Variants in FRMD4A observed in about 807,000 individuals in gnomAD.
The protein encoded by FRMD4A is FERM domain containing 4A, also known as FERM domain-containing protein 4A.
In FRMD4A, 29 loss-of-function variants were observed where a neutral mutation model predicts 129.1. The ratio of observed to expected loss-of-function variants is 0.22; its 90% CI spans 0.17 to 0.31. The LOEUF (loss-of-function observed/expected upper bound fraction) is 0.31, where lower values mean the gene tolerates loss of function less well. Ranked by LOEUF, FRMD4A falls within the 10% of genes least tolerant of loss-of-function variation. The pLI, the probability that FRMD4A is intolerant of heterozygous loss-of-function variation, is 1.00. For missense variants in FRMD4A, 1,272 were observed against 1,375.8 expected (o/e 0.92, Z 1.19); for synonymous variants, 634 against 571.6 (o/e 1.11, Z -1.56).
chr10:13,750,081 AAAGAAAGAAAGAAAGAAAGAAAGAAATG>A lies in FRMD4A; in HGVS notation c.465-2290_465-2263del, dbSNP rs1157220758. On this transcript the variant is annotated intron_variant, in intron 8 of 24. Coordinates refer to ENST00000357447, the MANE Select transcript of FRMD4A (RefSeq NM_018027.5). ...GGAAGGAAGGAAGGAAGAAAGAAAG[AAAGAAAGAAAGAAAGAAAGAAAGAAATG>A]AAGAAAGAAAGAAAGAAAGAAAGAA... Among the ~76,000 whole-genome samples, 22 of 76,120 alleles carry A rather than the reference AAAGAAAGAAAGAAAGAAAGAAAGAAATG, an allele frequency of 2.9e-4. No homozygotes were observed. In the South Asian group the frequency reaches 4.9e-3, roughly 17 times the overall value. The allele number at this position is 76,120 out of a possible 152,430, so 49.9% of individuals were successfully genotyped here. A position where few individuals can be genotyped will look rare whatever the true frequency, so the allele number is the denominator to read the frequency against.
In FRMD4A at chr10:13,759,698, G is replaced by A. The variant is rs371396116; in HGVS notation, c.464+1949C>T. ...CATAAAAAAGTGACAAATAAAAATT[G>A]TAACAAGATTTAGTTTCTGTAACCT... On this transcript the variant is annotated intron_variant, in intron 8 of 24. Coordinates refer to ENST00000357447, the MANE Select transcript of FRMD4A (RefSeq NM_018027.5). 1.4e-4 allele frequency among the ~76,000 whole-genome samples: 21 copies of A among 152,256 alleles called. 2 individuals carry two copies. The highest frequency in any genetic ancestry group is 4.8e-4 in the African/African-American group (20 of 41,562).
At chr10:14,094,707 ACT>A (rs1588961900) in intron 2 of FRMD4A, among the ~76,000 whole-genome samples, 1 of 152,088 alleles carries the variant, frequency 6.6e-6, no homozygotes, top group African/African-American at 2.4e-5. Context: ...ATCTTTGGTG[ACT>A]CTGTTCTGTC....
chr10:13,764,184 C>CGTGTGTGT (rs369852562), intron 6 of FRMD4A, among the ~76,000 whole-genome samples: 3,842 of 141,652 alleles, frequency 0.027, 148 homozygotes, highest in African/African-American at 0.081. Flanking sequence ...CAAAGATTTC[C>CGTGTGTGT]GTGTGTGTGT....
chr10:14,046,640 G>A (rs557508572), intron 2 of FRMD4A, among the ~76,000 whole-genome samples: 1 of 152,212 alleles, frequency 6.6e-6, no homozygotes, highest in East Asian at 1.9e-4. Context: ...AGCCTTTCTG[G>A]TTCCTGACTT....
intron 2 of FRMD4A, among the ~76,000 whole-genome samples, chr10:13,969,884 G>T (rs2095507472): frequency 6.6e-6 from 1 of 152,148 alleles, no homozygotes; most frequent in Admixed American, 6.5e-5. Context: ...AAATGAAAGT[G>T]AGAGGTGGAG....
intron 2 of FRMD4A, among the ~76,000 whole-genome samples, chr10:14,132,662 T>G (rs1839322542): frequency 6.6e-6 from 1 of 152,120 alleles, no homozygotes; most frequent in Non-Finnish European, 1.5e-5. Context: ...TCTCATTTGA[T>G]GTTGGGAGTT....
At chr10:13,713,680 C>G (rs1322888484) in intron 12 of FRMD4A, among the ~76,000 whole-genome samples, 1 of 151,064 alleles carries the variant, frequency 6.6e-6, no homozygotes, top group Non-Finnish European at 1.5e-5. Context: ...AACCTGTGCT[C>G]TCAGAGGACT....
chr10:13,780,041 T>G (rs1042630686), intron 6 of FRMD4A, among the ~76,000 whole-genome samples: 1 of 152,086 alleles, frequency 6.6e-6, no homozygotes, highest in African/African-American at 2.4e-5. Flanking sequence ...AATGTTCTTT[T>G]AGGGCCGGGC....
chr10:13,788,263 G>A (rs1037422460), intron 5 of FRMD4A, among the ~76,000 whole-genome samples: 1 of 152,094 alleles, frequency 6.6e-6, no homozygotes, highest in Admixed American at 6.6e-5. Flanking sequence ...CTATTTCCCT[G>A]CCCTCACCAC....
At chr10:13,663,356 C>A in intron 19 of FRMD4A, 97 bp downstream of exon 19, 2 of 745,924 alleles carry the variant, frequency 2.7e-6, no homozygotes, top group Admixed American at 2.0e-5. Context: ...TTTGGCCTGG[C>A]TCTTGCCTTT....
At chr10:13,913,214 T>C (rs2094962262) in intron 2 of FRMD4A, among the ~76,000 whole-genome samples, 1 of 152,042 alleles carries the variant, frequency 6.6e-6, no homozygotes, top group South Asian at 2.1e-4. Flanking sequence ...TCCACTGATA[T>C]GAAATGTGCA....
At position 13,740,492 on chromosome 10, in the gene FRMD4A, G is replaced by T; in HGVS notation, c.614+20C>A. On this transcript the variant is annotated intron_variant, in intron 10 of 24. Transcript: ENST00000357447. ...ACACACAAACACTGTCCCCATGTGA[G>T]CTGGGAAGGGGCCACTTACTTTACG... The T allele has an allele frequency of 1.4e-6, 2 of 1,458,398 alleles. No individual in the cohort carries two copies. The highest frequency in any genetic ancestry group is 1.9e-6 in the Non-Finnish European group (2 of 1,041,526). The allele number at this position is 1,458,398 out of a possible 1,614,324, so 90.3% of individuals were successfully genotyped here. A position where few individuals can be genotyped will look rare whatever the true frequency, so the allele number is the denominator to read the frequency against.
intron 2 of FRMD4A, among the ~76,000 whole-genome samples, chr10:13,869,384 T>G (rs1188358915): frequency 2.0e-5 from 3 of 152,212 alleles, no homozygotes; most frequent in Non-Finnish European, 4.4e-5. Flanking sequence ...GGGAGGTGGG[T>G]GCACTTTCCA....
intron 2 of FRMD4A, among the ~76,000 whole-genome samples, chr10:14,303,536 T>C (rs1282894985): frequency 1.3e-5 from 2 of 152,138 alleles, no homozygotes; most frequent in Admixed American, 6.5e-5. Flanking sequence ...AAAAGACGGA[T>C]GGAAAATCCA....
chr10:13,957,537 G>A (rs181258657), intron 2 of FRMD4A, among the ~76,000 whole-genome samples: 1 of 152,088 alleles, frequency 6.6e-6, no homozygotes, highest in South Asian at 2.1e-4. Context: ...TTATAGACGT[G>A]AGCCACCACG....
At chr10:13,838,492 C>A (rs73583968) in intron 3 of FRMD4A, among the ~76,000 whole-genome samples, 6,786 of 151,594 alleles carry the variant, frequency 0.045, 249 homozygotes, top group African/African-American at 0.088. Context: ...TTTCTTCCCC[C>A]TCCCTCCCTT....
intron 2 of FRMD4A, among the ~76,000 whole-genome samples, chr10:14,042,494 C>A (rs58100913): frequency 0.025 from 3,859 of 152,190 alleles, 183 homozygotes; most frequent in African/African-American, 0.087. Context: ...GGCGAATGTA[C>A]CCTTTCTGCA....
At chr10:13,722,227 CTT>C (rs1204085901) in intron 12 of FRMD4A, among the ~76,000 whole-genome samples, 2 of 126,770 alleles carry the variant, frequency 1.6e-5, no homozygotes, top group Admixed American at 8.2e-5. Context: ...GGCCAGGGCT[CTT>C]TTTTTTTTTT....
At chr10:14,028,621 T>C (rs1833089686) in intron 2 of FRMD4A, among the ~76,000 whole-genome samples, 1 of 152,086 alleles carries the variant, frequency 6.6e-6, no homozygotes, top group Admixed American at 6.5e-5. Flanking sequence ...TAACAAAACT[T>C]GCTTTTCAAA....
Sources: gnomAD v4.1 joint callset for allele counts (sites outside exome capture counted in the v4.1 genomes callset) on GRCh38, gnomAD v4.1.1 for gene constraint, MANE v1.5 for transcripts, NCBI Gene and HGNC (gene_info 2026-07-23, HGNC 2026-07-21) for gene names.